CACNA2D3: variants seen among roughly 807,000 people sequenced by gnomAD.
The protein encoded by CACNA2D3 is calcium voltage-gated channel auxiliary subunit alpha2delta 3.
Under a neutral mutation model 160.6 loss-of-function variants are expected in CACNA2D3, and 60 were observed. The ratio of observed to expected loss-of-function variants is 0.37; its 90% CI spans 0.30 to 0.46. The LOEUF (loss-of-function observed/expected upper bound fraction) is 0.46. CACNA2D3 is among the 20% of genes least tolerant of loss of function. The pLI is 1.00. For synonymous variants in CACNA2D3, 558 were observed against 492.9 expected, an observed-to-expected ratio of 1.13 and a Z score of -1.75; for missense variants, 1,205 against 1,365.0, an observed-to-expected ratio of 0.88 and a Z score of 1.85.
At chr3:54,541,264 A>G (rs1234369998) in intron 5 of CACNA2D3, among the ~76,000 whole-genome samples, 5 of 139,358 alleles carry the variant, frequency 3.6e-5, no homozygotes, top group Admixed American at 7.8e-5. Context: ...GCAACAGAGC[A>G]AGACTCCGTC....
intron 9 of CACNA2D3, among the ~76,000 whole-genome samples, chr3:54,622,808 G>A (rs1183291606): frequency 6.6e-6 from 1 of 151,958 alleles, no homozygotes; most frequent in Non-Finnish European, 1.5e-5. Context: ...GGTTAGGATT[G>A]ATCATCAGCA....
rs377292211 is a variant in CACNA2D3, at chr3:54,468,163, C to G, written c.382-35329C>G. Among the ~76,000 whole-genome samples the G allele has an allele frequency of 1.1e-4, 16 of 152,322 alleles. No homozygotes were observed. The East Asian group carries it at 1.7e-3, about 17-fold the overall frequency. ...TGGCAAGATGGCCAAATACAAACAA[C>G]TCCAGTCTGCAGCCCCCAGCGAGAT... On this transcript the variant is annotated intron_variant, in intron 4 of 37. Coordinates refer to ENST00000474759, the MANE Select transcript of CACNA2D3 (RefSeq NM_018398.3).
intron 3 of CACNA2D3, among the ~76,000 whole-genome samples, chr3:54,371,311 A>T (rs1052372867): frequency 6.6e-6 from 1 of 152,114 alleles, no homozygotes; most frequent in Non-Finnish European, 1.5e-5. Context: ...ATACCATTTT[A>T]CATTTCTAGG....
At chr3:55,013,791 A>G (rs1475883955) in intron 34 of CACNA2D3, among the ~76,000 whole-genome samples, 2 of 152,242 alleles carry the variant, frequency 1.3e-5, no homozygotes, top group East Asian at 1.9e-4. Flanking sequence ...GTGCATTCAC[A>G]GAAACAAAAG....
intron 11 of CACNA2D3, among the ~76,000 whole-genome samples, chr3:54,736,000 TATATATGTATATATATACAC>T (rs1701495023): frequency 9.5e-6 from 1 of 104,734 alleles, no homozygotes; most frequent in Non-Finnish European, 2.0e-5. Flanking sequence ...TATACATATA[TATATATGTATATATATACAC>T]ATACATATAT....
intron 11 of CACNA2D3, among the ~76,000 whole-genome samples, chr3:54,652,686 G>T (rs1167487692): frequency 6.6e-6 from 1 of 152,072 alleles, no homozygotes; most frequent in African/African-American, 2.4e-5. Context: ...TGATAGGAAG[G>T]CTGGCAGCAC....
intron 2 of CACNA2D3, among the ~76,000 whole-genome samples, chr3:54,177,351 G>C (rs955066130): frequency 1.3e-5 from 2 of 152,176 alleles, no homozygotes; most frequent in Non-Finnish European, 2.9e-5. Context: ...TATTTTACAA[G>C]AAGAATTTGG....
chr3:54,140,486 C>T (rs183254110), intron 2 of CACNA2D3, among the ~76,000 whole-genome samples: 1 of 152,336 alleles, frequency 6.6e-6, no homozygotes, highest in African/African-American at 2.4e-5. Flanking sequence ...CCAGGCATGC[C>T]ACTCCCAAAT....
intron 2 of CACNA2D3, among the ~76,000 whole-genome samples, chr3:54,304,110 C>T (rs1024383339): frequency 6.6e-6 from 1 of 152,082 alleles, no homozygotes; most frequent in Non-Finnish European, 1.5e-5. Context: ...GGATGTTTAG[C>T]AGCATCTCTG....
chr3:54,354,564 G>A (rs1698617095), intron 3 of CACNA2D3, among the ~76,000 whole-genome samples: 1 of 152,168 alleles, frequency 6.6e-6, no homozygotes, highest in Non-Finnish European at 1.5e-5. Flanking sequence ...TCTCTTTCTT[G>A]TGCAGTCAGA....
intron 27 of CACNA2D3, among the ~76,000 whole-genome samples, chr3:54,919,937 G>A (rs1038759489): frequency 5.9e-5 from 9 of 152,234 alleles, no homozygotes; most frequent in East Asian, 1.9e-4. Context: ...TCTCAGGAGC[G>A]TTGTGAGGTC....
At chr3:55,013,775 AC>A (rs547329960) in intron 34 of CACNA2D3, among the ~76,000 whole-genome samples, 171 of 152,320 alleles carry the variant, frequency 1.1e-3, no homozygotes, top group African/African-American at 3.8e-3. Flanking sequence ...CCGGTTGTGA[AC>A]AGGGGTGCAT....
At chr3:54,685,964 C>T (rs1343350385) in intron 11 of CACNA2D3, among the ~76,000 whole-genome samples, 1 of 152,220 alleles carries the variant, frequency 6.6e-6, no homozygotes, top group Non-Finnish European at 1.5e-5. Flanking sequence ...TATTCCTGCA[C>T]CTGCCCTGAA....
At chr3:54,382,614 C>T (rs1179300415) in intron 3 of CACNA2D3, among the ~76,000 whole-genome samples, 2 of 152,202 alleles carry the variant, frequency 1.3e-5, no homozygotes, top group Admixed American at 1.3e-4. Context: ...GAAACCCCAT[C>T]TCTGCTAAAA....
rs184928645 is a variant in CACNA2D3 at position 54,329,343 on chromosome 3, G to C, written c.321+8785G>C. ...TTTGTGGATTGACTTACAGGCCTTT[G>C]TCTTGGGGTCAGGATAACTTAAAGT... On this transcript the variant is annotated intron_variant, in intron 3 of 37. Coordinates refer to ENST00000474759, the MANE Select transcript of CACNA2D3 (RefSeq NM_018398.3). 6.6e-5 allele frequency among the ~76,000 whole-genome samples: 10 copies of C among 152,276 alleles called. No individual in the cohort carries two copies. In the East Asian group the frequency reaches 1.7e-3, roughly 27 times the overall value.
At chr3:54,350,992 T>TTTTTTTTTTTTTTTTTTTTTTTTTTG (rs1559457861) in intron 3 of CACNA2D3, among the ~76,000 whole-genome samples, 2 of 110,978 alleles carry the variant, frequency 1.8e-5, no homozygotes, top group Non-Finnish European at 3.9e-5. Flanking sequence ...GTTTGTTTTT[T>TTTTTTTTTTTTTTTTTTTTTTTTTTG]TTTTTTTTTT....
rs182360105 is a variant in CACNA2D3, at chr3:54,661,664, C to T, written c.1167+19423C>T. The stretch of plus-strand genomic sequence containing the variant: ...AGGAAAAAGGGGTGGGGTGCAGATG[C>T]TGGGGTGTGGATCTCTGCTTCCACC... On this transcript the variant is annotated intron_variant, in intron 11 of 37. Coordinates refer to ENST00000474759, the MANE Select transcript of CACNA2D3 (RefSeq NM_018398.3). Among the ~76,000 whole-genome samples, 96 of 152,220 alleles carry T rather than the reference C, an allele frequency of 6.3e-4. 1 individual carries two copies. In the East Asian group the frequency reaches 0.016, roughly 25 times the overall value.
In CACNA2D3 at chr3:54,531,984, G is replaced by A. The variant is rs74575601; in HGVS notation, c.544+28330G>A. On this transcript the variant is annotated intron_variant, in intron 5 of 37. Coordinates refer to ENST00000474759, the MANE Select transcript of CACNA2D3 (RefSeq NM_018398.3). ...TTGGCAGCCGGTGTCTTGCCTCTCC[G>A]CGAGCCCACACTGCCTCTCTCACCT... Among the ~76,000 whole-genome samples the A allele has an allele frequency of 4.0e-3, 604 of 152,170 alleles. 5 individuals carry two copies. The highest frequency in any genetic ancestry group is 0.014 in the African/African-American group (567 of 41,494).
chr3:54,429,295 G>T (rs905102526), intron 4 of CACNA2D3, among the ~76,000 whole-genome samples: 2 of 152,194 alleles, frequency 1.3e-5, no homozygotes, highest in Non-Finnish European at 2.9e-5. Context: ...AAACTAAATT[G>T]CAGAAAAACT....
Sources: allele counts gnomAD v4.1 joint callset (sites outside exome capture counted in the v4.1 genomes callset), GRCh38; gene constraint gnomAD v4.1.1; transcripts MANE v1.5; gene names NCBI Gene and HGNC (gene_info 2026-07-23, HGNC 2026-07-21).